ADGRG7: variants seen among roughly 807,000 people sequenced by gnomAD.
The protein encoded by ADGRG7 is G-protein coupled receptor 128.
ADGRG7 carries 82 observed loss-of-function variants against 88.6 expected under a neutral mutation model. The ratio of observed to expected loss-of-function variants is 0.93; its 90% CI spans 0.77 to 1.11. ADGRG7 has a LOEUF of 1.11. ADGRG7 is among the 50% of genes most tolerant of loss of function. The pLI is 0.00. For synonymous variants in ADGRG7, 381 were observed against 345.2 expected (o/e 1.10, Z -1.15); for missense variants, 945 against 953.4 (o/e 0.99, Z 0.12).
At chr3:100,661,690 T>G (rs1473105048) in intron 14 of ADGRG7, among the ~76,000 whole-genome samples, 5 of 152,204 alleles carry the variant, frequency 3.3e-5, no homozygotes, top group African/African-American at 9.6e-5. Flanking sequence ...AGTAATTATA[T>G]TTACATGAAT....
chr3:100,636,013 GT>G (rs1456226784), intron 5 of ADGRG7, among the ~76,000 whole-genome samples, 187 bp downstream of exon 5: 3 of 152,162 alleles, frequency 2.0e-5, no homozygotes, highest in Admixed American at 2.0e-4. Flanking sequence ...AGGGCCTCTT[GT>G]CCAAATATTT....
chr3:100,642,727 T>G (rs529342344), intron 6 of ADGRG7, among the ~76,000 whole-genome samples: 22 of 152,302 alleles, frequency 1.4e-4, no homozygotes, highest in East Asian at 1.2e-3. Context: ...AAAAGAACAT[T>G]GTAAAAACCT....
chr3:100,678,328 A>G (rs2094968364), intron 15 of ADGRG7, among the ~76,000 whole-genome samples: 1 of 152,058 alleles, frequency 6.6e-6, no homozygotes, highest in Non-Finnish European at 1.5e-5. Context: ...TCTGAATTTT[A>G]TCTCTGTGTT....
At chr3:100,677,169 T>C (rs2094966524) in intron 15 of ADGRG7, among the ~76,000 whole-genome samples, 1 of 152,094 alleles carries the variant, frequency 6.6e-6, no homozygotes, top group African/African-American at 2.4e-5. Flanking sequence ...TTTTCTGTCT[T>C]CCTTTTAGTG....
chr3:100,672,975 A>G (rs888768199), intron 15 of ADGRG7, among the ~76,000 whole-genome samples: 1 of 151,748 alleles, frequency 6.6e-6, no homozygotes, highest in Non-Finnish European at 1.5e-5. Flanking sequence ...TTTATTGAGG[A>G]TTTTCACATC....
chr3:100,657,599 T>C lies in ADGRG7; in HGVS notation c.1823+1604T>C, dbSNP rs113494966. Among the ~76,000 whole-genome samples the C allele has an allele frequency of 8.6e-3, 1,309 of 152,306 alleles. 14 individuals carry two copies. The highest frequency in any genetic ancestry group is 0.019 in the African/African-American group (780 of 41,570). On this transcript the variant is annotated intron_variant, in intron 13 of 15. Transcript: ENST00000273352. ...TTGGGGGGAAATTTTTCAAGTATTG[T>C]TTTTACACTGAAGCTTTCTTTCCCT...
intron 1 of ADGRG7, among the ~76,000 whole-genome samples, chr3:100,611,287 CCTTCCTTCCTTCCTTT>C (rs1203096061): frequency 1.6e-3 from 229 of 144,536 alleles, no homozygotes; most frequent in African/African-American, 5.3e-3. Context: ...TTCCTTCCTT[CCTTCCTTCCTTCCTTT>C]CTTCTTTCCT....
rs751826085 is a variant in ADGRG7, at chr3:100,694,990, G to A, written c.2383G>A (p.Glu795Lys). 1.9e-6 allele frequency: 3 copies of A among 1,614,112 alleles called. No individual in the cohort carries two copies. The Admixed American group carries it at 5.0e-5, about 27-fold the overall frequency. ...ACTCTCTGAAAGTGACAATGCAAAGGAAAGCATCTAGACAGTAAAACTTAC... is the reference window on the plus strand; with the variant it reads ...ACTCTCTGAAAGTGACAATGCAAAGAAAAGCATCTAGACAGTAAAACTTAC... ...ITLSESDNAK[E>K]SI The change falls in exon 16 of 16, where the codon GAA (glutamate) becomes AAA (lysine). Residue 795 changes from glutamate to lysine, a missense_variant. By Grantham distance (56) the Glu-to-Lys change is moderately conservative. Coordinates refer to ENST00000273352, the MANE Select transcript of ADGRG7 (RefSeq NM_032787.3).
chr3:100,656,036 A>G, intron 13 of ADGRG7, 41 bp downstream of exon 13: 4 of 1,226,712 alleles, frequency 3.3e-6, no homozygotes, highest in Non-Finnish European at 4.8e-6. Flanking sequence ...GTTTGACCTA[A>G]AAGTGTAACT....
chr3:100,655,278 G>A (rs1576327209), intron 12 of ADGRG7, 97 bp downstream of exon 12: 8 of 796,386 alleles, frequency 1.0e-5, no homozygotes, highest in East Asian at 7.7e-5. Context: ...AGGCCTTGAC[G>A]TAATTAAGAG....
intron 1 of ADGRG7, among the ~76,000 whole-genome samples, chr3:100,620,107 A>G (rs1169203265): frequency 6.6e-6 from 1 of 152,228 alleles, no homozygotes; most frequent in African/African-American, 2.4e-5. Context: ...CACAACAAAA[A>G]AAGAGAATTT....
intron 1 of ADGRG7, among the ~76,000 whole-genome samples, chr3:100,612,786 A>C (rs1168787046): frequency 6.6e-6 from 1 of 152,136 alleles, no homozygotes; most frequent in Non-Finnish European, 1.5e-5. Context: ...TTCATTCTCT[A>C]TCACAGGATA....
At chr3:100,632,695 G>GA (rs747881405) in intron 3 of ADGRG7, among the ~76,000 whole-genome samples, 6 of 152,100 alleles carry the variant, frequency 3.9e-5, no homozygotes, top group Non-Finnish European at 5.9e-5. Context: ...TGGTCCTGAG[G>GA]AAAAATCTAC....
intron 1 of ADGRG7, among the ~76,000 whole-genome samples, chr3:100,623,120 T>G (rs569911178): frequency 2.1e-4 from 32 of 152,282 alleles, no homozygotes; most frequent in African/African-American, 6.5e-4. Flanking sequence ...CTAAAGCTAA[T>G]TATCAATTTT....
In ADGRG7 at chr3:100,695,019, T is replaced by C. The variant is rs1366770249; in HGVS notation, c.*18T>C. On this transcript the variant is annotated 3_prime_UTR_variant, in exon 16 of 16. Transcript: ENST00000273352. ...GCATCTAGACAGTAAAACTTACCTG[T>C]TGTGGTCTTTTTAATCACCTCGTTT... 1 of 1,602,186 alleles carries C rather than the reference T, an allele frequency of 6.2e-7. No individual in the cohort carries two copies. Among genetic ancestry groups the C allele is most frequent in the Admixed American group, 1.7e-5 (1 of 58,356 alleles).
chr3:100,649,680 T>A lies in ADGRG7; in HGVS notation c.1267-15T>A. 2.1e-6 allele frequency: 3 copies of A among 1,408,040 alleles called. No homozygotes were observed. Among genetic ancestry groups the A allele is most frequent in the Non-Finnish European group, 2.0e-6 (2 of 994,278 alleles). The allele number at this position is 1,408,040 out of a possible 1,614,324, so 87.2% of individuals were successfully genotyped here. On this transcript the variant is annotated splice_polypyrimidine_tract_variant and intron_variant, in intron 10 of 15. Coordinates refer to ENST00000273352, the MANE Select transcript of ADGRG7 (RefSeq NM_032787.3). ...GATGACTAATTAAAAATATGAGTCTTACCTTGTTTTTCAGACTTTCAAAAA... is the reference window on the plus strand; with the variant it reads ...GATGACTAATTAAAAATATGAGTCTAACCTTGTTTTTCAGACTTTCAAAAA...
In ADGRG7 at chr3:100,669,533, C is replaced by CAA. The variant is rs59788369; in HGVS notation, c.2136+456_2136+457dup. The stretch of plus-strand genomic sequence containing the variant: ...TGGGCGACAGAGTGAGACTCCATCT[C>CAA]AAAAAAAAAAAAAAAAAAAAAAAAA... On this transcript the variant is annotated intron_variant, in intron 15 of 15. Coordinates refer to ENST00000273352, the MANE Select transcript of ADGRG7 (RefSeq NM_032787.3). 1.2e-4 allele frequency among the ~76,000 whole-genome samples: 8 copies of CAA among 66,574 alleles called. No homozygotes were observed. The East Asian group carries it at 2.6e-3, about 22-fold the overall frequency. The allele number at this position is 66,574 out of a possible 152,430, so 43.7% of individuals were successfully genotyped here.
intron 13 of ADGRG7, among the ~76,000 whole-genome samples, chr3:100,657,957 C>T (rs1343206431): frequency 6.6e-6 from 1 of 152,114 alleles, no homozygotes; most frequent in Non-Finnish European, 1.5e-5. Context: ...TGGTGTTTTA[C>T]AAAACTCCAG....
chr3:100,684,805 C>A (rs1457456225), intron 15 of ADGRG7, among the ~76,000 whole-genome samples: 1 of 151,714 alleles, frequency 6.6e-6, no homozygotes, highest in Non-Finnish European at 1.5e-5. Context: ...TTAAATATTA[C>A]TACAACTTAT....
Sources: allele counts gnomAD v4.1 joint callset (sites outside exome capture counted in the v4.1 genomes callset), GRCh38; gene constraint gnomAD v4.1.1; transcripts MANE v1.5; gene names NCBI Gene and HGNC (gene_info 2026-07-23, HGNC 2026-07-21).